Variants in NGRN observed in about 807,000 individuals in gnomAD.
The protein encoded by NGRN is neugrin, neurite outgrowth associated, also known as neugrin.
A neutral mutation model predicts 13.1 loss-of-function variants in NGRN; 12 were observed. That is an observed-to-expected ratio of 0.92 (90% confidence interval 0.59 to 1.49). NGRN has a LOEUF of 1.49. Among genes scored for constraint, NGRN ranks in the 40% most tolerant of loss-of-function variants. The pLI is 0.00. For synonymous variants in NGRN, 149 were observed against 145.8 expected, an observed-to-expected ratio of 1.02 and a Z score of -0.16; for missense variants, 397 against 357.0, an observed-to-expected ratio of 1.11 and a Z score of -0.90.
intron 1 of NGRN, 28 bp downstream of exon 1, chr15:90,265,904 T>G: frequency 6.7e-7 from 1 of 1,494,164 alleles, no homozygotes; most frequent in Non-Finnish European, 8.9e-7. Context: ...GGCCCTCAGC[T>G]TGAAGCAGGG....
chr15:90,265,935 G>C, intron 1 of NGRN, 59 bp downstream of exon 1: 5 of 1,432,566 alleles, frequency 3.5e-6, no homozygotes, highest in Non-Finnish European at 2.7e-6. Flanking sequence ...CGGCGCTCCA[G>C]GCCGCGCCCC....
chr15:90,271,923 G>A lies in NGRN; in HGVS notation c.*135G>A, dbSNP rs1460549525. On this transcript the variant is annotated 3_prime_UTR_variant, in exon 3 of 3. Transcript: ENST00000379095. ...GAGGTGTTGAGCCTGGACTGTGGGA[G>A]GAAAGAGCTGCGTGGATAGATTCAA... 4.1e-6 allele frequency: 5 copies of A among 1,231,716 alleles called. No individual in the cohort carries two copies. The highest frequency in any genetic ancestry group is 2.4e-5 in the East Asian group (1 of 42,154). 76.3% of individuals were successfully genotyped at this position (1,231,716 alleles called of 1,614,324 possible).
chr15:90,268,890 A>G, intron 2 of NGRN, among the ~76,000 whole-genome samples: 1 of 146,446 alleles, frequency 6.8e-6, no homozygotes, highest in South Asian at 2.2e-4. Context: ...TTGGCCTCCC[A>G]AAGTGTTAGG....
At position 90,271,905 on chromosome 15, in the gene NGRN, T is replaced by C. The variant is rs1006041786; in HGVS notation, c.*117T>C. On this transcript the variant is annotated 3_prime_UTR_variant, in exon 3 of 3. Coordinates refer to ENST00000379095, the MANE Select transcript of NGRN (RefSeq NM_001033088.3). ...GCCACCTTGGAATAGGAAGAGGTGTTGAGCCTGGACTGTGGGAGGAAAGAG... is the reference window on the plus strand; with the variant it reads ...GCCACCTTGGAATAGGAAGAGGTGTCGAGCCTGGACTGTGGGAGGAAAGAG... 3.5e-6 allele frequency: 5 copies of C among 1,416,882 alleles called. No individual in the cohort carries two copies. Among genetic ancestry groups the C allele is most frequent in the Admixed American group, 2.1e-5 (1 of 47,408 alleles). 87.8% of individuals were successfully genotyped at this position (1,416,882 alleles called of 1,614,324 possible).
chr15:90,265,782 A>T lies in NGRN; in HGVS notation c.70A>T (p.Thr24Ser), dbSNP rs773766699. ...CAAVTRCGFATRGVAGPGPIG... is the reference protein window; with the variant it reads ...CAAVTRCGFASRGVAGPGPIG... ...CGCCGTCACTCGCTGTGGGTTCGCGACCCGGGGGGTGGCGGGCCCAGGCCC... is the reference window on the plus strand; with the variant it reads ...CGCCGTCACTCGCTGTGGGTTCGCGTCCCGGGGGGTGGCGGGCCCAGGCCC... Residue 24 changes from threonine (T) to serine (S), a missense_variant, in exon 1 of 3, where the codon ACC becomes TCC. Coordinates refer to ENST00000379095, the MANE Select transcript of NGRN (RefSeq NM_001033088.3). 3.7e-6 allele frequency: 6 copies of T among 1,612,616 alleles called. No individual in the cohort carries two copies. Among genetic ancestry groups the T allele is most frequent in the Non-Finnish European group, 5.1e-6 (6 of 1,179,678 alleles).
chr15:90,266,939 G>A (rs1166254983), intron 2 of NGRN, among the ~76,000 whole-genome samples: 1 of 151,850 alleles, frequency 6.6e-6, no homozygotes, highest in Admixed American at 6.6e-5. Flanking sequence ...TTTGTTTTGA[G>A]TAGGTAAAGT....
chr15:90,270,452 CT>C (rs1421900882), intron 2 of NGRN, among the ~76,000 whole-genome samples: 1 of 152,216 alleles, frequency 6.6e-6, no homozygotes, highest in Non-Finnish European at 1.5e-5. Context: ...CAGACCAACT[CT>C]AGCTTGGACT....
chr15:90,267,123 C>T (rs1963437162), intron 2 of NGRN, among the ~76,000 whole-genome samples: 1 of 151,854 alleles, frequency 6.6e-6, no homozygotes, highest in African/African-American at 2.4e-5. Flanking sequence ...CCTCTACCTC[C>T]TGGGCCCAAG....
Position 90,266,379 on chromosome 15 carries a change from G to C in NGRN, c.256G>C (p.Glu86Gln). The change falls in exon 2 of 3, where the codon GAA (glutamate) becomes CAA (glutamine). Residue 86 changes from glutamate (E) to glutamine (Q), a missense_variant. Glu to Gln is a conservative substitution (Grantham distance 29). Transcript: ENST00000379095. ...PGAPPRTLTW[E>Q]AMEQIRYLHE... Reference sequence around the variant, plus strand: ...TGCCCCGCCCAGGACCCTGACGTGGGAAGCCATGGAGCAGATACGGTGAGA... The same window carrying C: ...TGCCCCGCCCAGGACCCTGACGTGGCAAGCCATGGAGCAGATACGGTGAGA... The C allele has an allele frequency of 1.2e-6, 2 of 1,613,576 alleles. No homozygotes were observed. The highest frequency in any genetic ancestry group is 1.7e-6 in the Non-Finnish European group (2 of 1,179,798).
chr15:90,266,068 A>G, intron 1 of NGRN, 192 bp downstream of exon 1: 1 of 1,422,084 alleles, frequency 7.0e-7, no homozygotes, highest in Non-Finnish European at 9.1e-7. Flanking sequence ...TTAGTGACGT[A>G]TTTCATCATC....
At chr15:90,266,063 G>A in intron 1 of NGRN, 187 bp downstream of exon 1, 1 of 1,423,332 alleles carries the variant, frequency 7.0e-7, no homozygotes, top group East Asian at 2.6e-5. Flanking sequence ...CTTCATTAGT[G>A]ACGTATTTCA....
At chr15:90,267,506 CTATT>C (rs2151658920) in intron 2 of NGRN, among the ~76,000 whole-genome samples, 1 of 152,056 alleles carries the variant, frequency 6.6e-6, no homozygotes. Flanking sequence ...ATTTTTTCTC[CTATT>C]TATTTATTTG....
At chr15:90,266,453 G>C in intron 2 of NGRN, 55 bp downstream of exon 2, 1 of 1,420,820 alleles carries the variant, frequency 7.0e-7, no homozygotes, top group South Asian at 1.3e-5. Context: ...GAAGGATGCT[G>C]GAGCCCAGAA....
At position 90,271,719 on chromosome 15, in the gene NGRN, C is replaced by T; in HGVS notation, c.807C>T (p.Phe269=). The T allele has an allele frequency of 3.1e-6, 5 of 1,614,170 alleles. No individual in the cohort carries two copies. The highest frequency in any genetic ancestry group is 4.2e-6 in the Non-Finnish European group (5 of 1,180,030). ...TGAAGGCAGAGGAGCCAGATAACTT[C>T]AGCAGCAAAGTAGTGCAGAGGGGCC... ...EELKAEEPDN[F]SSKVVQRGRE... Residue 269 remains phenylalanine (F), a synonymous_variant, in exon 3 of 3, where the codon TTC becomes TTT. Transcript: ENST00000379095.
In NGRN at chr15:90,266,032, C is replaced by T. The variant is rs112524293; in HGVS notation, c.164+156C>T. 1.8e-3 allele frequency: 2,546 copies of T among 1,392,994 alleles called. 50 individuals are homozygous for T. The African/African-American group carries it at 0.037, about 20-fold the overall frequency. 86.3% of individuals were successfully genotyped at this position (1,392,994 alleles called of 1,614,324 possible). A position where few individuals can be genotyped will look rare whatever the true frequency, so the allele number is the denominator to read the frequency against. The stretch of plus-strand genomic sequence containing the variant: ...TAGGGGCGCAGCGTCAGGTGTTCAG[C>T]TCCCCTGGGACCACTGGTCCCTTCA... On this transcript the variant is annotated intron_variant, in intron 1 of 2. Transcript: ENST00000379095.
chr15:90,266,347 C>G lies in NGRN; in HGVS notation c.224C>G (p.Ala75Gly), dbSNP rs1963419894. 6.2e-7 allele frequency: 1 copy of G among 1,613,744 alleles called. No homozygotes were observed. Among genetic ancestry groups the G allele is most frequent in the African/African-American group, 1.3e-5 (1 of 74,894 alleles). ...RFQKIRRQME[A>G]PGAPPRTLTW... ...CAGAAAATTCGGAGGCAAATGGAGG[C>G]GCCTGGTGCCCCGCCCAGGACCCTG... Residue 75 changes from alanine (A) to glycine (G), a missense_variant, in exon 2 of 3, where the codon GCG (alanine) becomes GGG (glycine). Ala to Gly is a moderately conservative substitution (Grantham distance 60). Transcript: ENST00000379095.
intron 1 of NGRN, 116 bp from the exon 2 acceptor site, chr15:90,266,172 G>T (rs1481624074): frequency 1.8e-5 from 26 of 1,479,760 alleles, no homozygotes; most frequent in Non-Finnish European, 2.2e-5. Context: ...AACATGGCCC[G>T]GTTGCCCTTG....
Position 90,265,848 on chromosome 15 carries a change from G to A in NGRN, c.136G>A (p.Glu46Lys). 2 of 1,605,874 alleles carry A rather than the reference G, an allele frequency of 1.2e-6. No individual in the cohort carries two copies. Among genetic ancestry groups the A allele is most frequent in the South Asian group, 1.1e-5 (1 of 90,522 alleles). ...EPDPDSDWEP[E>K]ERELQEVEST... Reference sequence around the variant, plus strand: ...GGACCCCGATTCCGACTGGGAGCCGGAGGAACGGGAGCTGCAGGAGGTGGA... The same window carrying A: ...GGACCCCGATTCCGACTGGGAGCCGAAGGAACGGGAGCTGCAGGAGGTGGA... Residue 46 changes from glutamate to lysine, a missense_variant, in exon 1 of 3, where the codon GAG (glutamate) becomes AAG (lysine). Physicochemically the swap from Glu to Lys is moderately conservative, Grantham distance 56. Coordinates refer to ENST00000379095, the MANE Select transcript of NGRN (RefSeq NM_001033088.3).
Position 90,271,792 on chromosome 15 carries a change from G to C in NGRN, c.*4G>C. 1 of 1,613,064 alleles carries C rather than the reference G, an allele frequency of 6.2e-7. No individual in the cohort carries two copies. The highest frequency in any genetic ancestry group is 1.1e-5 in the South Asian group (1 of 91,056). Reference sequence around the variant, plus strand: ...GAACTTCCTGTACAGAATTTGAGTCGGGGCTTGGCTTATGGAGATGCCTCG... The same window carrying C: ...GAACTTCCTGTACAGAATTTGAGTCCGGGCTTGGCTTATGGAGATGCCTCG... On this transcript the variant is annotated 3_prime_UTR_variant, in exon 3 of 3. Coordinates refer to ENST00000379095, the MANE Select transcript of NGRN (RefSeq NM_001033088.3).
Sources: allele counts gnomAD v4.1 joint callset (sites outside exome capture counted in the v4.1 genomes callset), GRCh38; gene constraint gnomAD v4.1.1; transcripts MANE v1.5; gene names NCBI Gene and HGNC (gene_info 2026-07-23, HGNC 2026-07-21).